Variants in PCDH15 observed in about 807,000 individuals in gnomAD.
The protein encoded by PCDH15 is protocadherin-15.
In PCDH15, 129 loss-of-function variants were observed where a neutral mutation model predicts 178.5. The ratio of observed to expected loss-of-function variants is 0.72; its 90% CI spans 0.63 to 0.84. PCDH15 has a LOEUF of 0.84. Ranked by LOEUF, PCDH15 falls within the 40% of genes least tolerant of loss-of-function variation. The pLI, the probability that PCDH15 is intolerant of heterozygous loss-of-function variation, is 0.00. For synonymous variants in PCDH15, 800 were observed against 732.0 expected, an observed-to-expected ratio of 1.09 and a Z score of -1.50; for missense variants, 2,230 against 2,099.9, an observed-to-expected ratio of 1.06 and a Z score of -1.21.
At chr10:54,472,494 G>GT (rs973116000) in intron 3 of PCDH15, among the ~76,000 whole-genome samples, 28 of 152,024 alleles carry the variant, frequency 1.8e-4, no homozygotes, top group Middle Eastern at 3.4e-3. Flanking sequence ...CTGTATGTGT[G>GT]TTTTTTTCAA....
chr10:54,321,543 C>G (rs2061606775), intron 7 of PCDH15, among the ~76,000 whole-genome samples: 1 of 151,842 alleles, frequency 6.6e-6, no homozygotes, highest in African/African-American at 2.4e-5. Context: ...TTCCATGTCA[C>G]TCAGCCTTCT....
chr10:54,482,570 C>T (rs568650162), intron 3 of PCDH15, among the ~76,000 whole-genome samples: 1 of 151,752 alleles, frequency 6.6e-6, no homozygotes, highest in African/African-American at 2.4e-5. Flanking sequence ...CTACTTGCAC[C>T]TCAATTTCTC....
intron 1 of PCDH15, among the ~76,000 whole-genome samples, chr10:55,303,243 G>A (rs923193701): frequency 6.6e-6 from 1 of 151,986 alleles, no homozygotes; most frequent in African/African-American, 2.4e-5. Flanking sequence ...CATTCTCTTT[G>A]CCCGCAGCAA....
intron 2 of PCDH15, among the ~76,000 whole-genome samples, chr10:54,580,599 A>T (rs1452664592): frequency 6.6e-6 from 1 of 152,124 alleles, no homozygotes; most frequent in African/African-American, 2.4e-5. Context: ...TCATTCTATG[A>T]AGCCAGCATC....
chr10:54,959,139 G>A (rs1411396123), intron 2 of PCDH15, among the ~76,000 whole-genome samples: 1 of 151,626 alleles, frequency 6.6e-6, no homozygotes, highest in African/African-American at 2.4e-5. Flanking sequence ...GGAAGAGAAG[G>A]GGAAAAGGAT....
intron 15 of PCDH15, among the ~76,000 whole-genome samples, chr10:54,122,288 G>A (rs910126462): frequency 2.0e-5 from 3 of 151,874 alleles, no homozygotes; most frequent in Non-Finnish European, 2.9e-5. Flanking sequence ...CTCGAGAGAC[G>A]CGGAAAAAGC....
chr10:54,254,392 A>C (rs1255935481), intron 8 of PCDH15, among the ~76,000 whole-genome samples: 1 of 152,150 alleles, frequency 6.6e-6, no homozygotes, highest in Non-Finnish European at 1.5e-5. Flanking sequence ...TTCTGAGAAT[A>C]CAAGAGGAGC....
At position 54,148,477 on chromosome 10, in the gene PCDH15, T is replaced by C. The variant is rs892965439; in HGVS notation, c.1784+4623A>G. ...AGTTGTTATACTGTAGTTTAGAGAA[T>C]AATGACAAAAAAAGTCTGCGCATGT... On this transcript the variant is annotated intron_variant, in intron 14 of 37. Coordinates refer to ENST00000644397, the MANE Select transcript of PCDH15 (RefSeq NM_001384140.1). 2.0e-5 allele frequency among the ~76,000 whole-genome samples: 3 copies of C among 150,906 alleles called. No homozygotes were observed. In the South Asian group the frequency reaches 6.2e-4, roughly 31 times the overall value.
At chr10:54,520,906 C>A (rs1007771419) in intron 3 of PCDH15, among the ~76,000 whole-genome samples, 1 of 151,718 alleles carries the variant, frequency 6.6e-6, no homozygotes, top group African/African-American at 2.4e-5. Context: ...GAGTTCATGT[C>A]CTTTGTAGGG....
In PCDH15 at chr10:54,037,965, T is replaced by G. The variant is rs191734236; in HGVS notation, c.2221-14768A>C. ...TTGACAGAAATCTGTCTGTGCAGAG[T>G]TGGATGAGTATGATACTGAGAAGTC... On this transcript the variant is annotated intron_variant, in intron 18 of 37. Coordinates refer to ENST00000644397, the MANE Select transcript of PCDH15 (RefSeq NM_001384140.1). 5.7e-3 allele frequency among the ~76,000 whole-genome samples: 873 copies of G among 151,980 alleles called. 7 individuals carry two copies. Among genetic ancestry groups the G allele is most frequent in the Non-Finnish European group, 8.9e-3 (605 of 67,912 alleles).
intron 2 of PCDH15, among the ~76,000 whole-genome samples, chr10:54,636,602 A>C (rs2093859211): frequency 6.6e-6 from 1 of 152,000 alleles, no homozygotes; most frequent in South Asian, 2.1e-4. Flanking sequence ...AAGTGGATTT[A>C]AGATTTTAGG....
At chr10:55,082,539 A>G (rs2132027058) in intron 2 of PCDH15, among the ~76,000 whole-genome samples, 1 of 151,396 alleles carries the variant, frequency 6.6e-6, no homozygotes, top group Non-Finnish European at 1.5e-5. Context: ...CAAAATTAGT[A>G]GAAGAAAAGA....
At chr10:55,398,352 T>A (rs1432889192) in intron 2 of PCDH15, among the ~76,000 whole-genome samples, 1 of 152,110 alleles carries the variant, frequency 6.6e-6, no homozygotes, top group African/African-American at 2.4e-5. Context: ...CCCCTACAGA[T>A]GTGGGGTTAG....
At chr10:55,194,736 C>T (rs1196304552) in intron 1 of PCDH15, among the ~76,000 whole-genome samples, 1 of 151,476 alleles carries the variant, frequency 6.6e-6, no homozygotes, top group East Asian at 1.9e-4. Context: ...AGACATATAC[C>T]CAGTAAAAAT....
intron 3 of PCDH15, among the ~76,000 whole-genome samples, chr10:54,449,118 G>GA: frequency 6.6e-6 from 1 of 151,754 alleles, no homozygotes; most frequent in Non-Finnish European, 1.5e-5. Flanking sequence ...AACTATTGGG[G>GA]CTGAGGGTAA....
chr10:54,280,154 A>G (rs1424999813), intron 8 of PCDH15, among the ~76,000 whole-genome samples: 2 of 151,756 alleles, frequency 1.3e-5, no homozygotes, highest in Non-Finnish European at 3.0e-5. Flanking sequence ...TGTCACTTAC[A>G]AGGTCACAGG....
At chr10:55,197,727 G>T (rs1300714139) in intron 1 of PCDH15, among the ~76,000 whole-genome samples, 5 of 151,908 alleles carry the variant, frequency 3.3e-5, no homozygotes, top group African/African-American at 9.7e-5. Context: ...GTTTATTCCT[G>T]GTAAGTACAT....
chr10:54,571,350 A>T (rs1315775292), intron 2 of PCDH15, among the ~76,000 whole-genome samples: 2 of 74,724 alleles, frequency 2.7e-5, no homozygotes, highest in Non-Finnish European at 6.2e-5. Context: ...AAAAAAAAAA[A>T]AAAAAAAAGC....
chr10:54,540,112 T>G (rs2085041706), intron 2 of PCDH15, among the ~76,000 whole-genome samples: 1 of 151,908 alleles, frequency 6.6e-6, no homozygotes, highest in African/African-American at 2.4e-5. Flanking sequence ...AAGAACAAAC[T>G]AACTCAAAAG....
Sources: allele counts gnomAD v4.1 joint callset (sites outside exome capture counted in the v4.1 genomes callset), GRCh38; gene constraint gnomAD v4.1.1; transcripts MANE v1.5; gene names NCBI Gene and HGNC (gene_info 2026-07-23, HGNC 2026-07-21).